Variants in RBFOX1 observed in about 807,000 individuals in gnomAD.
RBFOX1 encodes RNA binding fox-1 homolog 1, also known as RNA binding protein fox-1 homolog 1.
In RBFOX1, 8 loss-of-function variants were observed where a neutral mutation model predicts 57.7. The observed-to-expected ratio is 0.14, with a 90% CI of 0.08 to 0.25. The LOEUF is 0.25. Ranked by LOEUF, RBFOX1 falls within the 10% of genes least tolerant of loss-of-function variation. The pLI is 1.00. For missense variants in RBFOX1, 611 were observed against 548.5 expected, an observed-to-expected ratio of 1.11 and a Z score of -1.14; for synonymous variants, 326 against 222.4, an observed-to-expected ratio of 1.47 and a Z score of -4.15.
intron 3 of RBFOX1, among the ~76,000 whole-genome samples, chr16:6,760,009 A>T (rs1258212915): frequency 6.6e-6 from 1 of 152,202 alleles, no homozygotes; most frequent in Non-Finnish European, 1.5e-5. Context: ...CAAGGGCATT[A>T]ATAGTGAAAT....
intron 4 of RBFOX1, among the ~76,000 whole-genome samples, chr16:7,501,921 C>G (rs2071030267): frequency 6.6e-6 from 1 of 152,162 alleles, no homozygotes; most frequent in Non-Finnish European, 1.5e-5. Flanking sequence ...ACCACTGTAG[C>G]CCCCAAACAT....
At chr16:7,057,726 T>C (rs2015669) in intron 4 of RBFOX1, among the ~76,000 whole-genome samples, 104,876 of 151,998 alleles carry the variant, frequency 0.69, 37,401 homozygotes, top group East Asian at 0.91. Context: ...ACACCATAGA[T>C]GCCGGGTGCA....
intron 3 of RBFOX1, among the ~76,000 whole-genome samples, chr16:6,863,484 T>C (rs2059363354): frequency 1.3e-5 from 2 of 152,058 alleles, no homozygotes; most frequent in Admixed American, 6.5e-5. Context: ...TTATGTTGCC[T>C]GTACAAGTAG....
chr16:5,279,032 G>T (rs1422201194), intron 1 of RBFOX1, among the ~76,000 whole-genome samples: 1 of 152,110 alleles, frequency 6.6e-6, no homozygotes, highest in African/African-American at 2.4e-5. Flanking sequence ...GAGGCTTCTA[G>T]CTTTGTTCTT....
At chr16:7,097,028 T>C (rs934256617) in intron 4 of RBFOX1, among the ~76,000 whole-genome samples, 1 of 151,482 alleles carries the variant, frequency 6.6e-6, no homozygotes, top group South Asian at 2.1e-4. Context: ...TGAATCCTGG[T>C]TTGGTAAAAA....
intron 3 of RBFOX1, among the ~76,000 whole-genome samples, chr16:5,648,534 ACTGGCAT>A (rs2049123239): frequency 6.6e-6 from 1 of 152,096 alleles, no homozygotes; most frequent in East Asian, 1.9e-4. Context: ...GGGAGGTGGT[ACTGGCAT>A]CTAGTGGGCG....
chr16:5,623,215 G>T (rs963552855), intron 3 of RBFOX1, among the ~76,000 whole-genome samples: 5 of 152,154 alleles, frequency 3.3e-5, no homozygotes, highest in Non-Finnish European at 1.5e-5. Context: ...GAGAAGAGAA[G>T]GGGTGTGGTA....
At position 7,177,254 on chromosome 16, in the gene RBFOX1, G is replaced by T. The variant is rs534087557; in HGVS notation, c.27+125156G>T. Reference sequence around the variant, plus strand: ...TTTGTGCTCCTTATCTAGCTTGATTGTCCATGGATAAGACCAAGTTCAAAA... The same window carrying T: ...TTTGTGCTCCTTATCTAGCTTGATTTTCCATGGATAAGACCAAGTTCAAAA... On this transcript the variant is annotated intron_variant, in intron 4 of 15. Transcript: ENST00000550418. 8.5e-5 allele frequency among the ~76,000 whole-genome samples: 13 copies of T among 152,214 alleles called. 1 individual carries two copies. In the South Asian group the frequency reaches 2.7e-3, roughly 32 times the overall value.
At chr16:6,355,312 G>A (rs1406388422) in intron 2 of RBFOX1, among the ~76,000 whole-genome samples, 1 of 151,324 alleles carries the variant, frequency 6.6e-6, no homozygotes, top group Admixed American at 6.6e-5. Flanking sequence ...AGGCCCCAAT[G>A]TGTGATGTTC....
At chr16:7,643,948 G>A (rs1222298196) in intron 11 of RBFOX1, among the ~76,000 whole-genome samples, 1 of 152,132 alleles carries the variant, frequency 6.6e-6, no homozygotes, top group Non-Finnish European at 1.5e-5. Flanking sequence ...AGATTCCCCT[G>A]CAAATTAACC....
rs927891507 is a variant in RBFOX1, at chr16:6,460,104, A to C, written c.-64+143047A>C. 1.0e-4 allele frequency among the ~76,000 whole-genome samples: 15 copies of C among 149,576 alleles called. No individual in the cohort carries two copies. In the East Asian group the frequency reaches 2.9e-3, roughly 29 times the overall value. On this transcript the variant is annotated intron_variant, in intron 2 of 15. Transcript: ENST00000550418. Reference sequence around the variant, plus strand: ...TATTAGATTGCTTGGGGCTGCCATAATACAGCATTGCAGACTTGGCAGCTT... The same window carrying C: ...TATTAGATTGCTTGGGGCTGCCATACTACAGCATTGCAGACTTGGCAGCTT...
intron 1 of RBFOX1, among the ~76,000 whole-genome samples, chr16:5,426,395 G>A (rs1377598771): frequency 6.6e-6 from 1 of 152,108 alleles, no homozygotes; most frequent in African/African-American, 2.4e-5. Flanking sequence ...TTAGATAAAA[G>A]CACCAATTCC....
At chr16:5,815,619 G>C (rs1430520753) in intron 3 of RBFOX1, among the ~76,000 whole-genome samples, 1 of 152,226 alleles carries the variant, frequency 6.6e-6, no homozygotes, top group Non-Finnish European at 1.5e-5. Context: ...AGCCACAGCA[G>C]TTTCCACAGA....
intron 4 of RBFOX1, among the ~76,000 whole-genome samples, chr16:7,490,188 T>G (rs2066557217): frequency 6.6e-6 from 1 of 152,206 alleles, no homozygotes; most frequent in African/African-American, 2.4e-5. Flanking sequence ...GATTTGACGT[T>G]TTCCCCCCCT....
intron 4 of RBFOX1, among the ~76,000 whole-genome samples, chr16:7,201,901 C>T (rs1194472859): frequency 2.0e-5 from 3 of 152,144 alleles, no homozygotes; most frequent in Non-Finnish European, 2.9e-5. Flanking sequence ...ACTTAGATGG[C>T]AGAGGAGATG....
intron 3 of RBFOX1, among the ~76,000 whole-genome samples, chr16:6,709,422 A>G (rs1486790359): frequency 6.6e-6 from 1 of 152,208 alleles, no homozygotes; most frequent in Non-Finnish European, 1.5e-5. Flanking sequence ...GGGGTTTAAA[A>G]AAATACTGAG....
chr16:7,512,473 G>A (rs559501097), intron 4 of RBFOX1, among the ~76,000 whole-genome samples: 12 of 152,134 alleles, frequency 7.9e-5, no homozygotes, highest in Non-Finnish European at 1.0e-4. Context: ...GCAAATGTTG[G>A]GAATATTAAT....
At chr16:7,128,696 C>G (rs989494740) in intron 4 of RBFOX1, among the ~76,000 whole-genome samples, 8 of 152,000 alleles carry the variant, frequency 5.3e-5, no homozygotes, top group African/African-American at 1.9e-4. Flanking sequence ...GGGTGGGGAA[C>G]TAAACTCTAC....
At chr16:6,009,809 T>A (rs1435282894) in intron 4 of RBFOX1, among the ~76,000 whole-genome samples, 1 of 143,000 alleles carries the variant, frequency 7.0e-6, no homozygotes, top group Non-Finnish European at 1.5e-5. Context: ...TGTATGTGTG[T>A]GTGTGTCTGT....
Sources: allele counts gnomAD v4.1 joint callset (sites outside exome capture counted in the v4.1 genomes callset), GRCh38; gene constraint gnomAD v4.1.1; transcripts MANE v1.5; gene names NCBI Gene and HGNC (gene_info 2026-07-23, HGNC 2026-07-21).